Variants in MALRD1 observed in about 807,000 individuals in gnomAD.
MALRD1 encodes MAM and LDL receptor class A domain containing 1, also known as MAM and LDL-receptor class A domain-containing protein 1.
A neutral mutation model predicts 242.1 loss-of-function variants in MALRD1; 247 were observed. The observed-to-expected ratio is 1.02, with a 90% CI of 0.92 to 1.13. The LOEUF (loss-of-function observed/expected upper bound fraction) is 1.13, where lower values mean the gene tolerates loss of function less well. Ranked by LOEUF, MALRD1 falls within the 50% of genes most tolerant of loss-of-function variation. MALRD1 has a pLI of 0.00. For synonymous variants in MALRD1, 995 were observed against 866.6 expected (o/e 1.15, Z -2.60); for missense variants, 2,989 against 2,533.1 (o/e 1.18, Z -3.86).
chr10:19,674,718 T>G (rs1842064998), intron 36 of MALRD1, among the ~76,000 whole-genome samples: 1 of 152,154 alleles, frequency 6.6e-6, no homozygotes. Context: ...AAAACCTGTT[T>G]CTTGGAAGGA....
chr10:19,065,311 G>GAAAAAAAA (rs1590378950), intron 1 of MALRD1, among the ~76,000 whole-genome samples: 5 of 103,260 alleles, frequency 4.8e-5, no homozygotes, highest in African/African-American at 1.1e-4. Context: ...AAAAAAAAAG[G>GAAAAAAAA]AAGAAAGAAA....
intron 5 of MALRD1, among the ~76,000 whole-genome samples, chr10:19,119,968 C>T (rs1837003880): frequency 2.0e-5 from 3 of 151,762 alleles, no homozygotes; most frequent in African/African-American, 7.3e-5. Flanking sequence ...AAGATTTAGA[C>T]CTATTTCTGT....
intron 36 of MALRD1, among the ~76,000 whole-genome samples, chr10:19,680,945 G>A (rs1842343604): frequency 2.0e-5 from 3 of 152,134 alleles, no homozygotes; most frequent in Admixed American, 2.0e-4. Flanking sequence ...GGAAATTATT[G>A]TCTTTAAGAA....
At chr10:19,436,630 C>T (rs1341907388) in intron 28 of MALRD1, among the ~76,000 whole-genome samples, 1 of 152,100 alleles carries the variant, frequency 6.6e-6, no homozygotes, top group Admixed American at 6.6e-5. Context: ...TTACAGACTC[C>T]ATCTCATTTC....
intron 19 of MALRD1, among the ~76,000 whole-genome samples, chr10:19,263,592 T>C (rs1353981041): frequency 6.6e-6 from 1 of 152,224 alleles, no homozygotes; most frequent in Non-Finnish European, 1.5e-5. Context: ...AAATACTTTC[T>C]CTTGTTGTGA....
chr10:19,529,780 A>C (rs1365333253), intron 31 of MALRD1, among the ~76,000 whole-genome samples: 1 of 152,118 alleles, frequency 6.6e-6, no homozygotes, highest in Non-Finnish European at 1.5e-5. Flanking sequence ...GGAGAAACAT[A>C]TACCATGCTA....
At chr10:19,275,117 A>G (rs1840447248) in intron 19 of MALRD1, among the ~76,000 whole-genome samples, 1 of 152,180 alleles carries the variant, frequency 6.6e-6, no homozygotes, top group Non-Finnish European at 1.5e-5. Flanking sequence ...TTGTTAATAT[A>G]AGGATCTGAA....
Position 19,331,476 on chromosome 10 carries a change from T to C in MALRD1, c.3795T>C (p.Thr1265=). The change falls in exon 24 of 40, where the codon ACT becomes ACC. Residue 1265 remains threonine, a synonymous_variant. Coordinates refer to ENST00000454679, the MANE Select transcript of MALRD1 (RefSeq NM_001142308.3). ...SPLLSPERKC[T]DHEFMCANKH... is the part of the protein sequence containing the mutation. Reference sequence around the variant, plus strand: ...TGCTTAGCCCAGAGAGAAAGTGTACTGATCATGAATTCATGTGTGCTAATA... The same window carrying C: ...TGCTTAGCCCAGAGAGAAAGTGTACCGATCATGAATTCATGTGTGCTAATA... 6.4e-7 allele frequency: 1 copy of C among 1,550,494 alleles called. No homozygotes were observed. The highest frequency in any genetic ancestry group is 1.2e-5 in the South Asian group (1 of 84,054).
intron 19 of MALRD1, among the ~76,000 whole-genome samples, chr10:19,279,663 A>G (rs1840709110): frequency 6.6e-6 from 1 of 152,232 alleles, no homozygotes; most frequent in African/African-American, 2.4e-5. Flanking sequence ...GTAGCAGTGG[A>G]AGAACAAAGG....
intron 29 of MALRD1, among the ~76,000 whole-genome samples, chr10:19,458,081 C>A (rs1835753792): frequency 6.6e-6 from 1 of 151,958 alleles, no homozygotes; most frequent in African/African-American, 2.4e-5. Context: ...TGCAATGCAC[C>A]TTTTGTACCT....
intron 18 of MALRD1, among the ~76,000 whole-genome samples, chr10:19,255,215 T>A (rs1319841756): frequency 6.6e-6 from 1 of 152,062 alleles, no homozygotes; most frequent in Non-Finnish European, 1.5e-5. Flanking sequence ...TAAACTAAAC[T>A]GGATTTTCAG....
At chr10:19,338,397 A>G (rs1843699964) in intron 24 of MALRD1, among the ~76,000 whole-genome samples, 1 of 149,798 alleles carries the variant, frequency 6.7e-6, no homozygotes. Context: ...TCTTTTCCAG[A>G]ATATCATGTA....
At chr10:19,606,267 G>C (rs936926345) in intron 34 of MALRD1, among the ~76,000 whole-genome samples, 2 of 152,096 alleles carry the variant, frequency 1.3e-5, no homozygotes, top group African/African-American at 4.8e-5. Flanking sequence ...ACTTTGAAAA[G>C]GTTGTAACTT....
At chr10:19,054,672 C>T (rs913573153) in intron 1 of MALRD1, among the ~76,000 whole-genome samples, 4 of 152,080 alleles carry the variant, frequency 2.6e-5, no homozygotes, top group Admixed American at 2.6e-4. Flanking sequence ...CTTTTGGTGC[C>T]TGGCTTGTTT....
At chr10:19,380,762 C>T (rs887350679) in intron 26 of MALRD1, among the ~76,000 whole-genome samples, 7 of 152,128 alleles carry the variant, frequency 4.6e-5, no homozygotes, top group African/African-American at 1.7e-4. Context: ...TGATACATTA[C>T]ATAAAAATTT....
At chr10:19,433,863 A>G (rs550335155) in intron 28 of MALRD1, among the ~76,000 whole-genome samples, 1 of 152,110 alleles carries the variant, frequency 6.6e-6, no homozygotes, top group Non-Finnish European at 1.5e-5. Context: ...GCCAGCAGTT[A>G]TATGGCAAAC....
intron 21 of MALRD1, among the ~76,000 whole-genome samples, chr10:19,323,645 G>A (rs895052199): frequency 2.4e-4 from 37 of 152,298 alleles, no homozygotes; most frequent in African/African-American, 8.4e-4. Flanking sequence ...TTTCGCTCTA[G>A]TTGCCCAGAC....
intron 28 of MALRD1, among the ~76,000 whole-genome samples, chr10:19,447,558 C>A (rs759909424): frequency 2.0e-5 from 3 of 151,994 alleles, no homozygotes; most frequent in Admixed American, 2.0e-4. Flanking sequence ...TTAGCGTGAT[C>A]GTATGCTCTT....
intron 29 of MALRD1, among the ~76,000 whole-genome samples, chr10:19,464,348 A>G (rs567458853): frequency 7.4e-4 from 112 of 152,300 alleles, no homozygotes; most frequent in African/African-American, 2.5e-3. Context: ...TTCAGGTCTT[A>G]GATTTAAGTC....
Sources: allele counts gnomAD v4.1 joint callset (sites outside exome capture counted in the v4.1 genomes callset), GRCh38; gene constraint gnomAD v4.1.1; transcripts MANE v1.5; gene names NCBI Gene and HGNC (gene_info 2026-07-23, HGNC 2026-07-21).